The following SLC2A9 variants were observed in gnomAD, a reference collection of about 807,000 sequenced individuals.
The protein encoded by SLC2A9 is solute carrier family 2 member 9, also known as solute carrier family 2, facilitated glucose transporter member 9.
In SLC2A9, 39 loss-of-function variants were observed where a neutral mutation model predicts 50.6. The observed-to-expected ratio is 0.77, with a 90% CI of 0.60 to 1.01. The LOEUF (loss-of-function observed/expected upper bound fraction) is 1.01, where lower values mean the gene tolerates loss of function less well. SLC2A9 is among the 50% of genes least tolerant of loss of function. The probability of loss-of-function intolerance (pLI) is 0.00; values close to 1 mark genes in which losing one functional copy is unlikely to be tolerated. For missense variants in SLC2A9, 686 were observed against 677.6 expected (o/e 1.01, Z -0.14); for synonymous variants, 324 against 276.9 (o/e 1.17, Z -1.69).
chr4:9,973,525 G>T (rs1365259156), intron 5 of SLC2A9, among the ~76,000 whole-genome samples: 1 of 151,986 alleles, frequency 6.6e-6, no homozygotes, highest in Non-Finnish European at 1.5e-5. Flanking sequence ...GGAATACTAT[G>T]CAGCCATGAA....
At chr4:9,790,665 C>A (rs1335385809) in intron 3 of SLC2A9, among the ~76,000 whole-genome samples, 1 of 152,170 alleles carries the variant, frequency 6.6e-6, no homozygotes. Flanking sequence ...AGCCCCTAAA[C>A]CTGTCTGTCC....
intron 3 of SLC2A9, among the ~76,000 whole-genome samples, chr4:9,801,759 G>T (rs539991505): frequency 6.6e-6 from 1 of 152,330 alleles, no homozygotes; most frequent in Non-Finnish European, 1.5e-5. Context: ...GGCATCTCCT[G>T]CACGTGGTGA....
In SLC2A9 at chr4:9,969,134, G is replaced by T. The variant is rs1404228590; in HGVS notation, c.681+11458C>A. Reference sequence around the variant, plus strand: ...AAGGACTTCTCTCTCATCTTGTAGAGATATTAAATAATTAGGCTTATTTGG... The same window carrying T: ...AAGGACTTCTCTCTCATCTTGTAGATATATTAAATAATTAGGCTTATTTGG... On this transcript the variant is annotated intron_variant, in intron 5 of 11. Coordinates refer to ENST00000264784, the MANE Select transcript of SLC2A9 (RefSeq NM_020041.3). 2.0e-5 allele frequency among the ~76,000 whole-genome samples: 3 copies of T among 152,056 alleles called. No individual in the cohort carries two copies. In the East Asian group the frequency reaches 5.8e-4, roughly 29 times the overall value.
intron 5 of SLC2A9, among the ~76,000 whole-genome samples, chr4:9,947,566 G>A (rs182456622): frequency 2.1e-3 from 320 of 152,244 alleles, no homozygotes; most frequent in African/African-American, 7.1e-3. Flanking sequence ...GACCTTTCCC[G>A]AGCAGTTATT....
intron 11 of SLC2A9, 101 bp from the exon 12 acceptor site, chr4:9,826,701 C>T: frequency 2.8e-6 from 3 of 1,066,154 alleles, no homozygotes; most frequent in South Asian, 1.3e-5. Context: ...CATTCATATA[C>T]CAATACTCCT....
intron 6 of SLC2A9, among the ~76,000 whole-genome samples, chr4:9,939,146 T>C (rs1286937031): frequency 6.6e-6 from 1 of 152,150 alleles, no homozygotes; most frequent in Admixed American, 6.5e-5. Flanking sequence ...CTGATTACCA[T>C]GAGAATGTGC....
At chr4:9,972,634 C>G (rs7695113) in intron 5 of SLC2A9, among the ~76,000 whole-genome samples, 29,848 of 152,096 alleles carry the variant, frequency 0.2, 3,152 homozygotes, top group African/African-American at 0.22. Flanking sequence ...GAAATCAACA[C>G]CAAGAAGATC....
intron 10 of SLC2A9, among the ~76,000 whole-genome samples, chr4:9,835,366 T>C (rs1371682768): frequency 6.6e-6 from 1 of 152,134 alleles, no homozygotes; most frequent in African/African-American, 2.4e-5. Flanking sequence ...GATCACGCCC[T>C]GTGCCCAGAC....
chr4:9,983,390 C>CAA (rs1578186094), intron 4 of SLC2A9, among the ~76,000 whole-genome samples: 1 of 152,246 alleles, frequency 6.6e-6, no homozygotes, highest in Non-Finnish European at 1.5e-5. Context: ...AACGTGCATG[C>CAA]AAAGTGCTTG....
In SLC2A9 at chr4:9,913,881, T is replaced by G. The variant is rs78202347; in HGVS notation, c.1003-5536A>C. On this transcript the variant is annotated intron_variant, in intron 7 of 11. Transcript: ENST00000264784. ...TAGAGCTAACATTTTCATCCCCATC[T>G]GGTTCTTGTGCCTCTCTCTGTCTCC... is the stretch of plus-strand genomic sequence containing the variant. Among the ~76,000 whole-genome samples, 165 of 152,360 alleles carry G rather than the reference T, an allele frequency of 1.1e-3. 4 individuals are homozygous for G. The East Asian group carries it at 0.021, about 20-fold the overall frequency.
At chr4:9,927,029 G>A (rs992956023) in intron 6 of SLC2A9, among the ~76,000 whole-genome samples, 2 of 116,436 alleles carry the variant, frequency 1.7e-5, no homozygotes, top group African/African-American at 7.5e-5. Flanking sequence ...TCTGTTGTTC[G>A]ATTTTTTTTT....
intron 7 of SLC2A9, among the ~76,000 whole-genome samples, chr4:9,909,582 T>G (rs1741315085): frequency 6.6e-6 from 1 of 152,138 alleles, no homozygotes; most frequent in South Asian, 2.1e-4. Flanking sequence ...AGATTCCTAC[T>G]CCTCCCCAGT....
At position 9,878,943 on chromosome 4, in the gene SLC2A9, C is replaced by T. The variant is rs529247235; in HGVS notation, c.1291+8624G>A. On this transcript the variant is annotated intron_variant, in intron 10 of 11. Coordinates refer to ENST00000264784, the MANE Select transcript of SLC2A9 (RefSeq NM_020041.3). ...TGTTTGGTGTCAAAATACACACACA[C>T]ATTTGGTGTGAGCTGTGGTGGTAGA... 1.1e-4 allele frequency: 77 copies of T among 695,130 alleles called. 2 individuals are homozygous for T. The South Asian group carries it at 4.1e-3, about 37-fold the overall frequency. The allele number at this position is 695,130 out of a possible 1,614,324, so 43.1% of individuals were successfully genotyped here.
chr4:9,781,388 G>T (rs1718337954), intron 3 of SLC2A9, among the ~76,000 whole-genome samples: 1 of 152,234 alleles, frequency 6.6e-6, no homozygotes. Flanking sequence ...CCCAAGCGTG[G>T]CCAGGGCTAA....
intron 10 of SLC2A9, chr4:9,879,640 C>G: frequency 9.1e-6 from 9 of 985,392 alleles, no homozygotes; most frequent in Non-Finnish European, 1.1e-5. Context: ...TTAATTCGCA[C>G]CTTGATAATG....
chr4:10,029,943 A>T (rs1763885643), intron 1 of SLC2A9, among the ~76,000 whole-genome samples: 1 of 151,244 alleles, frequency 6.6e-6, no homozygotes, highest in Non-Finnish European at 1.5e-5. Context: ...GCAGAGATAA[A>T]TTTTTTTTTT....
chr4:9,842,313 C>G (rs967136842), intron 10 of SLC2A9, among the ~76,000 whole-genome samples: 2 of 152,134 alleles, frequency 1.3e-5, no homozygotes, highest in African/African-American at 4.8e-5. Flanking sequence ...TCATATGCTT[C>G]AAAATTAAAG....
chr4:10,000,689 T>C (rs1179130058), intron 2 of SLC2A9, among the ~76,000 whole-genome samples: 1 of 152,150 alleles, frequency 6.6e-6, no homozygotes, highest in African/African-American at 2.4e-5. Context: ...AAGAGGAACT[T>C]TCCCGGAAGC....
chr4:9,781,295 C>T (rs1445440349), intron 3 of SLC2A9, among the ~76,000 whole-genome samples: 1 of 152,204 alleles, frequency 6.6e-6, no homozygotes, highest in Non-Finnish European at 1.5e-5. Flanking sequence ...TGTGGGTAAT[C>T]CAAGGCTGCC....
Sources: gnomAD v4.1 joint callset for allele counts (sites outside exome capture counted in the v4.1 genomes callset) on GRCh38, gnomAD v4.1.1 for gene constraint, MANE v1.5 for transcripts, NCBI Gene and HGNC (gene_info 2026-07-23, HGNC 2026-07-21) for gene names.